The following CYRIB variants were observed in gnomAD, a reference collection of about 807,000 sequenced individuals.
CYRIB encodes CYFIP-related Rac1 interactor B.
In CYRIB, 8 loss-of-function variants were observed where a neutral mutation model predicts 44.2. The observed-to-expected ratio is 0.18, with a 90% confidence interval of 0.11 to 0.33. The LOEUF is 0.33. CYRIB is among the 10% of genes least tolerant of loss of function. The probability of loss-of-function intolerance (pLI) is 1.00; values close to 1 mark genes in which losing one functional copy is unlikely to be tolerated. For missense variants in CYRIB, 185 were observed against 382.8 expected (o/e 0.48, Z 4.31); for synonymous variants, 131 against 127.2 (o/e 1.03, Z -0.20).
intron 1 of CYRIB, among the ~76,000 whole-genome samples, chr8:129,986,395 A>T (rs888958717): frequency 5.3e-5 from 8 of 152,142 alleles, no homozygotes; most frequent in African/African-American, 1.9e-4. Context: ...GCCAGGTGCT[A>T]CAGTTTAAAC....
chr8:130,011,164 A>G (rs975358863), intron 1 of CYRIB, among the ~76,000 whole-genome samples: 1 of 151,510 alleles, frequency 6.6e-6, no homozygotes, highest in Non-Finnish European at 1.5e-5. Context: ...CCCCGGGGGG[A>G]CTCCTGGCAC....
At chr8:129,962,913 C>G (rs2095328780) in intron 2 of CYRIB, among the ~76,000 whole-genome samples, 1 of 152,238 alleles carries the variant, frequency 6.6e-6, no homozygotes, top group South Asian at 2.1e-4. Context: ...TTCTCAGTCT[C>G]TGTACCTGAG....
Position 129,901,652 on chromosome 8 carries a change from T to A in CYRIB, c.-11+1660A>T, listed in dbSNP as rs1386872930. ...TAGAGAATTCAGGGATCTGTGAATATGGATGGGAACCTTTTCACTAACCTC... is the reference window on the plus strand; with the variant it reads ...TAGAGAATTCAGGGATCTGTGAATAAGGATGGGAACCTTTTCACTAACCTC... On this transcript the variant is annotated intron_variant, in intron 2 of 11. Transcript: ENST00000519824. 2.6e-5 allele frequency: 4 copies of A among 152,352 alleles called. No homozygotes were observed. The East Asian group carries it at 7.7e-4, about 29-fold the overall frequency. The allele number at this position is 152,352 out of a possible 1,614,324, so 9.4% of individuals were successfully genotyped here. A position where few individuals can be genotyped will look rare whatever the true frequency, so the allele number is the denominator to read the frequency against.
upstream of CYRIB, among the ~76,000 whole-genome samples, chr8:129,942,707 G>T (rs565368479): frequency 6.6e-6 from 1 of 152,178 alleles, no homozygotes; most frequent in Non-Finnish European, 1.5e-5. Flanking sequence ...ACGCATTGTG[G>T]CTAGCTGTAT....
intron 1 of CYRIB, among the ~76,000 whole-genome samples, chr8:130,000,873 G>GA (rs113134197): frequency 9.5e-5 from 14 of 148,092 alleles, no homozygotes; most frequent in South Asian, 2.1e-4. Flanking sequence ...GTTTCTAAAA[G>GA]AAAAAAAAAA....
upstream of CYRIB, among the ~76,000 whole-genome samples, chr8:129,943,662 A>C (rs1335312675): frequency 7.4e-6 from 1 of 134,484 alleles, no homozygotes; most frequent in Non-Finnish European, 1.6e-5. Flanking sequence ...GCAGTGGCGC[A>C]ATCTTGGCTC....
At chr8:129,887,724 A>G (rs568248764) in intron 2 of CYRIB, among the ~76,000 whole-genome samples, 70 of 151,628 alleles carry the variant, frequency 4.6e-4, no homozygotes, top group Admixed American at 6.6e-4. Context: ...ACGGAGTCAA[A>G]GGAGATTATT....
intron 2 of CYRIB, chr8:129,894,569 A>G (rs772464250): frequency 4.6e-5 from 7 of 152,224 alleles, no homozygotes; most frequent in Non-Finnish European, 1.0e-4. Context: ...GAGGAACTGG[A>G]GGGTGAGAAG....
chr8:129,863,539 G>C (rs1272689979), intron 4 of CYRIB, among the ~76,000 whole-genome samples: 1 of 147,136 alleles, frequency 6.8e-6, no homozygotes, highest in South Asian at 2.2e-4. Context: ...AAAAAAAAAA[G>C]AAAATACAAA....
chr8:129,965,442 C>T (rs1028704634), intron 2 of CYRIB, among the ~76,000 whole-genome samples: 7 of 152,140 alleles, frequency 4.6e-5, no homozygotes, highest in African/African-American at 1.4e-4. Context: ...TCCTGAAAAT[C>T]ATTCCTTCTT....
At chr8:130,016,006 G>T (rs1302235546) in intron 1 of CYRIB, among the ~76,000 whole-genome samples, 2 of 151,852 alleles carry the variant, frequency 1.3e-5, no homozygotes, top group African/African-American at 4.8e-5. Context: ...GTCTGCCAGG[G>T]ACCAGCCACC....
upstream of CYRIB, among the ~76,000 whole-genome samples, chr8:129,942,698 C>T (rs1203500540): frequency 1.3e-5 from 2 of 152,170 alleles, no homozygotes; most frequent in African/African-American, 4.8e-5. Flanking sequence ...TGATGATTTA[C>T]GCATTGTGGC....
exon 12 of CYRIB, chr8:129,841,954 T>A: frequency 1.8e-6 from 1 of 566,860 alleles, no homozygotes; most frequent in Non-Finnish European, 3.1e-6. Context: ...CCCTTCAGAG[T>A]GTAACTTTAC....
chr8:129,949,813 G>A (rs2094409149), intron 2 of CYRIB, among the ~76,000 whole-genome samples: 1 of 152,022 alleles, frequency 6.6e-6, no homozygotes, highest in Non-Finnish European at 1.5e-5. Flanking sequence ...AGGGGGCAGA[G>A]GTTGATTGCG....
At chr8:129,999,028 C>T (rs77651594) in intron 1 of CYRIB, among the ~76,000 whole-genome samples, 4,501 of 152,226 alleles carry the variant, frequency 0.03, 101 homozygotes, top group East Asian at 0.077. Flanking sequence ...CTTGGCAAAA[C>T]GCTTTCTTCC....
chr8:129,840,406 T>C (rs929144169), exon 12 of CYRIB: 13 of 152,258 alleles, frequency 8.5e-5, no homozygotes, highest in Admixed American at 7.9e-4. Flanking sequence ...AGTCATTGAA[T>C]TTAGGGCCCA....
intron 4 of CYRIB, among the ~76,000 whole-genome samples, chr8:129,868,878 G>C (rs1257354115): frequency 7.0e-6 from 1 of 143,582 alleles, no homozygotes; most frequent in African/African-American, 2.6e-5. Flanking sequence ...CTCCCAATGG[G>C]AAGTACTGCA....
chr8:129,889,791 TTC>T (rs1435171216), intron 2 of CYRIB, among the ~76,000 whole-genome samples: 1 of 152,100 alleles, frequency 6.6e-6, no homozygotes, highest in Non-Finnish European at 1.5e-5. Flanking sequence ...AGAAAATGGT[TTC>T]TTTCCTTTTT....
intron 1 of CYRIB, among the ~76,000 whole-genome samples, chr8:130,006,240 T>C (rs1012269700): frequency 7.9e-5 from 12 of 151,530 alleles, no homozygotes; most frequent in Non-Finnish European, 1.5e-4. Flanking sequence ...GAAGCGGAGG[T>C]TGCAGTGAGC....
Sources: gnomAD v4.1 joint callset for allele counts (sites outside exome capture counted in the v4.1 genomes callset) on GRCh38, gnomAD v4.1.1 for gene constraint, MANE v1.5 for transcripts, NCBI Gene and HGNC (gene_info 2026-07-23, HGNC 2026-07-21) for gene names.